PANK2: variants seen among roughly 807,000 people sequenced by gnomAD.
The protein encoded by PANK2 is pantothenate kinase 2.
PANK2 carries 36 observed loss-of-function variants against 43.1 expected under a neutral mutation model. That is an observed-to-expected ratio of 0.84 (90% CI 0.64 to 1.10). PANK2 has a LOEUF of 1.10. Ranked by LOEUF, PANK2 falls within the 50% of genes least tolerant of loss-of-function variation. The probability of loss-of-function intolerance (pLI) is 0.00; values close to 1 mark genes in which losing one functional copy is unlikely to be tolerated. For synonymous variants in PANK2, 281 were observed against 238.2 expected (o/e 1.18, Z -1.66); for missense variants, 576 against 593.3 (o/e 0.97, Z 0.30).
At chr20:3,892,203 G>A (rs1029293489) in intron 1 of PANK2, among the ~76,000 whole-genome samples, 1 of 152,130 alleles carries the variant, frequency 6.6e-6, no homozygotes, top group African/African-American at 2.4e-5. Flanking sequence ...AATTAGCTGG[G>A]CGTGGTGGTG....
At chr20:3,914,084 T>G (rs6107372) in intron 4 of PANK2, among the ~76,000 whole-genome samples, 5 of 150,752 alleles carry the variant, frequency 3.3e-5, no homozygotes, top group Admixed American at 2.6e-4. Flanking sequence ...CCACTGCGCC[T>G]GGCCTGCACA....
upstream of PANK2, chr20:3,889,085 C>T (rs756145777): frequency 5.9e-6 from 9 of 1,516,622 alleles, no homozygotes; most frequent in South Asian, 2.5e-5. Flanking sequence ...AAGTGGGGGG[C>T]GGAAGGAGGG....
At chr20:3,903,787 CCG>C (rs1253811308) in intron 1 of PANK2, among the ~76,000 whole-genome samples, 1 of 151,834 alleles carries the variant, frequency 6.6e-6, no homozygotes, top group African/African-American at 2.4e-5. Context: ...GCCACCACGC[CCG>C]GCTAATTTTT....
chr20:3,910,955 A>C, intron 3 of PANK2, 125 bp downstream of exon 3: 1 of 1,218,940 alleles, frequency 8.2e-7, no homozygotes, highest in African/African-American at 1.5e-5. Flanking sequence ...ATGCAAACAA[A>C]TGTTTCTCTT....
At chr20:3,913,997 G>A (rs1178946160) in intron 4 of PANK2, among the ~76,000 whole-genome samples, 3 of 151,440 alleles carry the variant, frequency 2.0e-5, no homozygotes, top group East Asian at 2.0e-4. Flanking sequence ...CACTATGTTG[G>A]CCAGGATGGT....
chr20:3,928,808 G>A lies in PANK2; in HGVS notation c.*5514G>A, dbSNP rs1489291175. 7.0e-6 allele frequency: 1 copy of A among 143,458 alleles called. No individual in the cohort carries two copies. Among genetic ancestry groups the A allele is most frequent in the Non-Finnish European group, 1.5e-5 (1 of 65,390 alleles). 8.9% of individuals were successfully genotyped at this position (143,458 alleles called of 1,614,324 possible). On this transcript the variant is annotated 3_prime_UTR_variant, in exon 7 of 7. Coordinates refer to ENST00000610179, the MANE Select transcript of PANK2 (RefSeq NM_001386393.1). ...TTGGGGTAATTTCTGTTGTCAAATG[G>A]AAAACAAGGCATAAAGGGAAAATTC...
Position 3,889,594 on chromosome 20 carries a change from G to C in PANK2, c.164G>C (p.Arg55Pro), listed in dbSNP as rs995161389. 1.3e-6 allele frequency: 2 copies of C among 1,504,284 alleles called. No individual in the cohort carries two copies. Among genetic ancestry groups the C allele is most frequent in the East Asian group, 2.7e-5 (1 of 37,462 alleles). 93.2% of individuals were successfully genotyped at this position (1,504,284 alleles called of 1,614,324 possible). A position where few individuals can be genotyped will look rare whatever the true frequency, so the allele number is the denominator to read the frequency against. ...GGGCGGCGGCAGGAGCCACTGCGGCGCCGGGCGAGCAGCGCGTCGGTGCCC... is the reference window on the plus strand; with the variant it reads ...GGGCGGCGGCAGGAGCCACTGCGGCCCCGGGCGAGCAGCGCGTCGGTGCCC... Residue 55 changes from arginine (R) to proline (P), a missense_variant, in exon 1 of 7, where the codon CGC (arginine) becomes CCC (proline). Arg to Pro is a moderately radical substitution (Grantham distance 103). This residue lies in a region of PANK2 where 544 missense variants were observed against 528.9 expected (regional missense o/e 1.03). Transcript: ENST00000610179.
chr20:3,893,751 T>A lies in PANK2; in HGVS notation c.298+4023T>A, dbSNP rs1175526299. 2.0e-5 allele frequency among the ~76,000 whole-genome samples: 3 copies of A among 152,114 alleles called. No individual in the cohort carries two copies. The South Asian group carries it at 6.2e-4, about 32-fold the overall frequency. On this transcript the variant is annotated intron_variant, in intron 1 of 6. Transcript: ENST00000610179. ...TTCTTGGCTTTCCGAGGAGCGTTGCTGTTGGCAGTATGGAACTGGAGCCGG... is the reference window on the plus strand; with the variant it reads ...TTCTTGGCTTTCCGAGGAGCGTTGCAGTTGGCAGTATGGAACTGGAGCCGG...
At chr20:3,902,722 G>C (rs16989030) in intron 1 of PANK2, among the ~76,000 whole-genome samples, 1,747 of 151,638 alleles carry the variant, frequency 0.012, 43 homozygotes, top group African/African-American at 0.04. Context: ...CACCCAGCCA[G>C]GTTCCATTTT....
Position 3,926,622 on chromosome 20 carries a change from G to C in PANK2, c.*3328G>C, listed in dbSNP as rs1048884499. 3.3e-5 allele frequency: 5 copies of C among 152,318 alleles called. No homozygotes were observed. Among genetic ancestry groups the C allele is most frequent in the African/African-American group, 1.2e-4 (5 of 41,404 alleles). 9.4% of individuals were successfully genotyped at this position (152,318 alleles called of 1,614,324 possible). A position where few individuals can be genotyped will look rare whatever the true frequency, so the allele number is the denominator to read the frequency against. Reference sequence around the variant, plus strand: ...GGGGCAACTCTTTGCAGGGTGGTGTGGCCTGTGGAGGAAACAGGCTCAGTT... The same window carrying C: ...GGGGCAACTCTTTGCAGGGTGGTGTCGCCTGTGGAGGAAACAGGCTCAGTT... On this transcript the variant is annotated 3_prime_UTR_variant, in exon 7 of 7. Transcript: ENST00000610179.
At chr20:3,901,521 C>CT in intron 1 of PANK2, 1 of 709,966 alleles carries the variant, frequency 1.4e-6, no homozygotes, top group Non-Finnish European at 1.7e-6. Flanking sequence ...TAATCAGAAT[C>CT]TATCTTTTCT....
chr20:3,890,100 A>G (rs1399107261), intron 1 of PANK2, among the ~76,000 whole-genome samples: 2 of 151,952 alleles, frequency 1.3e-5, no homozygotes, highest in Non-Finnish European at 2.9e-5. Flanking sequence ...TGAATCCCCA[A>G]TGTTTGTTTT....
At chr20:3,912,810 C>T (rs1167577607) in intron 4 of PANK2, among the ~76,000 whole-genome samples, 176 bp downstream of exon 4, 2 of 151,184 alleles carry the variant, frequency 1.3e-5, no homozygotes, top group African/African-American at 4.9e-5. Context: ...ATTAGCTAGG[C>T]ATGGTGGTGC....
rs545567832 is a variant in PANK2 at position 3,889,463 on chromosome 20, G to A, written c.33G>A (p.Leu11=). The change falls in exon 1 of 7, where the codon CTG becomes CTA. Residue 11 remains leucine (L), a synonymous_variant. Coordinates refer to ENST00000610179, the MANE Select transcript of PANK2 (RefSeq NM_001386393.1). ...GCTTGCTCGGGCGGCAGCGACTGCT[G>A]CTGCGGATGGGAGGGGGCCGGCTCG... The A allele has an allele frequency of 3.2e-6, 5 of 1,543,580 alleles. No individual in the cohort carries two copies. The highest frequency in any genetic ancestry group is 1.4e-5 in the African/African-American group (1 of 73,264).
At position 3,918,813 on chromosome 20, in the gene PANK2, G is replaced by A. The variant is rs932174815; in HGVS notation, c.1332+17G>A. The A allele has an allele frequency of 7.4e-6, 12 of 1,614,178 alleles. No homozygotes were observed. The highest frequency in any genetic ancestry group is 2.2e-5 in the East Asian group (1 of 44,886). On this transcript the variant is annotated intron_variant, in intron 6 of 6. Coordinates refer to ENST00000610179, the MANE Select transcript of PANK2 (RefSeq NM_001386393.1). The stretch of plus-strand genomic sequence containing the variant: ...GAACACGAGGTAAGCTGACTTGTTC[G>A]TTGTGGTATATTATGTACACAGAGG...
At chr20:3,904,556 CA>C (rs2090355373) in intron 1 of PANK2, among the ~76,000 whole-genome samples, 1 of 152,122 alleles carries the variant, frequency 6.6e-6, no homozygotes, top group African/African-American at 2.4e-5. Context: ...GGAAACAGAG[CA>C]ACACGCTGTC....
Position 3,910,783 on chromosome 20 carries a change from C to G in PANK2, c.858C>G (p.Ile286Met). The change falls in exon 3 of 7, where the codon ATC (isoleucine) becomes ATG (methionine). Residue 286 changes from isoleucine to methionine, a missense_variant. Ile to Met is a conservative substitution (Grantham distance 10, BLOSUM62 1). Transcript: ENST00000610179. Reference sequence around the variant, plus strand: ...TGAACATTGGCTCAGGGGTTAGCATCTTAGCAGTATATTCCAAAGATAATT... The same window carrying G: ...TGAACATTGGCTCAGGGGTTAGCATGTTAGCAGTATATTCCAAAGATAATT... The G allele has an allele frequency of 6.2e-7, 1 of 1,614,116 alleles. No homozygotes were observed.
upstream of PANK2, chr20:3,889,059 G>C: frequency 6.8e-7 from 1 of 1,477,930 alleles, no homozygotes; most frequent in Non-Finnish European, 9.1e-7. Context: ...CGGCCCGGGG[G>C]GGCAGAGGCA....
In PANK2 at chr20:3,903,373, C is replaced by A. The variant is rs150077877; in HGVS notation, c.299-4553C>A. Among the ~76,000 whole-genome samples the A allele has an allele frequency of 4.7e-4, 71 of 151,366 alleles. No individual in the cohort carries two copies. In the East Asian group the frequency reaches 0.014, roughly 29 times the overall value. ...ATGTTGGCTAGTCTGGTCTTGAATT[C>A]CTGACCTCAGGTGATCCGCCCGCCT... On this transcript the variant is annotated intron_variant, in intron 1 of 6. Coordinates refer to ENST00000610179, the MANE Select transcript of PANK2 (RefSeq NM_001386393.1).
Sources: gnomAD v4.1 joint callset for allele counts (sites outside exome capture counted in the v4.1 genomes callset) on GRCh38, gnomAD v4.1.1 for gene constraint, gnomAD v4.1.1 regional missense constraint, MANE v1.5 for transcripts, NCBI Gene and HGNC (gene_info 2026-07-23, HGNC 2026-07-21) for gene names.